ASTN2: variants seen among roughly 807,000 people sequenced by gnomAD.
The protein encoded by ASTN2 is astrotactin-2.
A neutral mutation model predicts 139.8 loss-of-function variants in ASTN2; 54 were observed. The observed-to-expected ratio is 0.39, with a 90% CI of 0.31 to 0.48. The LOEUF is 0.48. Ranked by LOEUF, ASTN2 falls within the 20% of genes least tolerant of loss-of-function variation. ASTN2 has a pLI of 0.95. For synonymous variants in ASTN2, 756 were observed against 719.5 expected (o/e 1.05, Z -0.81); for missense variants, 1,565 against 1,725.1 (o/e 0.91, Z 1.64).
chr9:116,876,054 G>A (rs1297691949), intron 10 of ASTN2, among the ~76,000 whole-genome samples: 4 of 152,148 alleles, frequency 2.6e-5, no homozygotes, highest in African/African-American at 9.7e-5. Context: ...TTTTCTGATG[G>A]ATCTGGGTAA....
chr9:117,201,821 T>G (rs1831732024), intron 3 of ASTN2, among the ~76,000 whole-genome samples: 1 of 152,140 alleles, frequency 6.6e-6, no homozygotes, highest in African/African-American at 2.4e-5. Flanking sequence ...TTCTGCTGAT[T>G]TGGGGTACAG....
intron 11 of ASTN2, among the ~76,000 whole-genome samples, chr9:116,838,069 C>T (rs1312073661): frequency 1.3e-5 from 2 of 151,498 alleles, no homozygotes; most frequent in African/African-American, 4.9e-5. Context: ...AATGGCTCTC[C>T]AGATTGCTGG....
At chr9:117,077,786 A>G (rs748906627) in intron 5 of ASTN2, among the ~76,000 whole-genome samples, 1 of 152,168 alleles carries the variant, frequency 6.6e-6, no homozygotes, top group Non-Finnish European at 1.5e-5. Context: ...CAGTATCCCT[A>G]AAAACAATGT....
intron 20 of ASTN2, 36 bp from the exon 21 acceptor site, chr9:116,442,589 G>A (rs1235333820): frequency 6.4e-7 from 1 of 1,574,646 alleles, no homozygotes; most frequent in Admixed American, 1.7e-5. Flanking sequence ...ACCAGGCTGT[G>A]ACTTCACAGA....
intron 19 of ASTN2, among the ~76,000 whole-genome samples, chr9:116,609,379 G>GTGTATATATATATA (rs1448736644): frequency 4.3e-5 from 5 of 116,736 alleles, no homozygotes; most frequent in Non-Finnish European, 7.2e-5. Flanking sequence ...ATATATGGGT[G>GTGTATATATATATA]TATATATATA....
At position 116,970,504 on chromosome 9, in the gene ASTN2, ATTC is replaced by A. The variant is rs1212434975; in HGVS notation, c.1889+4701_1889+4703del. On this transcript the variant is annotated intron_variant, in intron 10 of 22. Coordinates refer to ENST00000313400, the MANE Select transcript of ASTN2 (RefSeq NM_001365068.1). ...TTTTTCTGCCTTGAACTTTCCCTCT[ATTC>A]TTCTTCAACTGTCAAAAAGTATGAC... Among the ~76,000 whole-genome samples the A allele has an allele frequency of 3.3e-5, 5 of 152,180 alleles. No homozygotes were observed. In the East Asian group the frequency reaches 7.7e-4, roughly 24 times the overall value.
chr9:116,802,222 G>T (rs897744218), intron 13 of ASTN2, among the ~76,000 whole-genome samples: 2 of 151,776 alleles, frequency 1.3e-5, no homozygotes, highest in African/African-American at 4.8e-5. Context: ...AAGTAGCTGG[G>T]ACAACAGGCA....
chr9:116,505,939 C>G (rs1362650168), intron 19 of ASTN2, among the ~76,000 whole-genome samples: 2 of 152,196 alleles, frequency 1.3e-5, no homozygotes, highest in Non-Finnish European at 2.9e-5. Context: ...ATCACACCCT[C>G]AAAGAGGTTT....
intron 22 of ASTN2, among the ~76,000 whole-genome samples, chr9:116,430,047 A>C (rs957318091): frequency 1.3e-5 from 2 of 152,216 alleles, no homozygotes; most frequent in African/African-American, 4.8e-5. Context: ...GGCAGGGATC[A>C]GACCAGGCAG....
intron 10 of ASTN2, among the ~76,000 whole-genome samples, chr9:116,942,436 C>T (rs1835267599): frequency 6.6e-6 from 1 of 152,194 alleles, no homozygotes; most frequent in Admixed American, 6.5e-5. Flanking sequence ...ATGACTTGGT[C>T]ATTGGCCCGG....
intron 19 of ASTN2, among the ~76,000 whole-genome samples, chr9:116,576,698 C>T (rs28497333): frequency 0.047 from 7,184 of 152,154 alleles, 563 homozygotes; most frequent in African/African-American, 0.16. Context: ...ATGAACGTTT[C>T]GGGCATTCTC....
chr9:117,184,896 C>T (rs940917369), intron 3 of ASTN2, among the ~76,000 whole-genome samples: 4 of 152,070 alleles, frequency 2.6e-5, no homozygotes, highest in African/African-American at 9.7e-5. Context: ...GTCAGGTGGC[C>T]TCTACACCAG....
At chr9:117,308,531 C>T (rs1028235682) in intron 1 of ASTN2, among the ~76,000 whole-genome samples, 1 of 152,148 alleles carries the variant, frequency 6.6e-6, no homozygotes, top group Non-Finnish European at 1.5e-5. Flanking sequence ...TACTGCCTGG[C>T]CTCTGGAATC....
At chr9:116,533,727 G>T (rs1851474129) in intron 19 of ASTN2, among the ~76,000 whole-genome samples, 1 of 152,172 alleles carries the variant, frequency 6.6e-6, no homozygotes, top group African/African-American at 2.4e-5. Context: ...GATCATGGTG[G>T]ATAAGCTTTT....
At chr9:117,298,673 T>TATATATATATATATATGTGC (rs1258961702) in intron 1 of ASTN2, among the ~76,000 whole-genome samples, 5 of 128,102 alleles carry the variant, frequency 3.9e-5, no homozygotes, top group African/African-American at 1.4e-4. Flanking sequence ...TATATGTGTA[T>TATATATATATATATATGTGC]ATATATATAT....
At chr9:116,833,435 CT>C (rs11288397) in intron 11 of ASTN2, among the ~76,000 whole-genome samples, 34,048 of 138,870 alleles carry the variant, frequency 0.25, 4,462 homozygotes, top group East Asian at 0.5. Flanking sequence ...TTATTTTGCT[CT>C]TTTTTTTTTT....
At chr9:117,210,162 A>G (rs1832073113) in intron 3 of ASTN2, among the ~76,000 whole-genome samples, 1 of 152,152 alleles carries the variant, frequency 6.6e-6, no homozygotes, top group Non-Finnish European at 1.5e-5. Context: ...GAAAGCAAGA[A>G]GAAATCAAAC....
At chr9:116,684,474 A>G (rs73515204) in intron 16 of ASTN2, among the ~76,000 whole-genome samples, 6,047 of 152,274 alleles carry the variant, frequency 0.04, 391 homozygotes, top group African/African-American at 0.14. Flanking sequence ...AAGTCGCCAG[A>G]CTAATGCTTT....
chr9:117,045,293 G>T (rs1193037499), intron 5 of ASTN2, among the ~76,000 whole-genome samples: 1 of 145,418 alleles, frequency 6.9e-6, no homozygotes, highest in Admixed American at 6.9e-5. Flanking sequence ...TAAATTAAAT[G>T]ATAGCTGCAG....
Sources: gnomAD v4.1 joint callset for allele counts (sites outside exome capture counted in the v4.1 genomes callset) on GRCh38, gnomAD v4.1.1 for gene constraint, MANE v1.5 for transcripts, NCBI Gene and HGNC (gene_info 2026-07-23, HGNC 2026-07-21) for gene names.